Variants in KANSL1 observed in about 807,000 individuals in gnomAD.
KANSL1 encodes MLL1/MLL complex subunit KANSL1.
Under a neutral mutation model 103.6 loss-of-function variants are expected in KANSL1, and 22 were observed. The observed-to-expected ratio is 0.21, with a 90% CI of 0.15 to 0.30. KANSL1 has a LOEUF of 0.30. KANSL1 is among the 10% of genes least tolerant of loss of function. The probability of loss-of-function intolerance (pLI) is 1.00; values close to 1 mark genes in which losing one functional copy is unlikely to be tolerated. For synonymous variants in KANSL1, 600 were observed against 527.6 expected, an observed-to-expected ratio of 1.14 and a Z score of -1.88; for missense variants, 1,337 against 1,399.8, an observed-to-expected ratio of 0.96 and a Z score of 0.72.
chr17:46,034,935 G>C (rs1238936776), intron 10 of KANSL1: 1 of 152,278 alleles, frequency 6.6e-6, no homozygotes, highest in Non-Finnish European at 1.5e-5. Context: ...AACTAAAGAG[G>C]AGAACCTGAC....
intron 5 of KANSL1, among the ~76,000 whole-genome samples, chr17:46,067,212 T>G (rs546883563): frequency 6.6e-6 from 1 of 152,300 alleles, no homozygotes; most frequent in East Asian, 1.9e-4. Flanking sequence ...AAATACAGAT[T>G]TACAAACATA....
intron 3 of KANSL1, chr17:46,094,191 G>A (rs1364072256): frequency 9.4e-6 from 2 of 212,952 alleles, no homozygotes; most frequent in Admixed American, 1.2e-4. Flanking sequence ...CCACTTCGTG[G>A]GCTCAAGCGA....
chr17:46,119,709 C>CAATGTTTTCAA (rs2043199861), intron 2 of KANSL1, among the ~76,000 whole-genome samples: 1 of 152,252 alleles, frequency 6.6e-6, no homozygotes, highest in South Asian at 2.1e-4. Context: ...TGCCTACTGT[C>CAATGTTTTCAA]AATGTTTTCA....
At chr17:46,207,427 T>C (rs1597969136) in intron 1 of KANSL1, among the ~76,000 whole-genome samples, 2 of 151,384 alleles carry the variant, frequency 1.3e-5, no homozygotes, top group East Asian at 2.0e-4. Context: ...GAGAATCACT[T>C]GAACCCAGGA....
intron 6 of KANSL1, among the ~76,000 whole-genome samples, chr17:46,062,391 A>C (rs1294242197): frequency 2.5e-5 from 3 of 118,326 alleles, no homozygotes; most frequent in East Asian, 2.5e-4. Flanking sequence ...ATGGACTCTC[A>C]CTCTCTCACC....
At chr17:46,055,841 T>C (rs898192421) in intron 6 of KANSL1, among the ~76,000 whole-genome samples, 1 of 152,142 alleles carries the variant, frequency 6.6e-6, no homozygotes, top group Non-Finnish European at 1.5e-5. Context: ...AGTTTATTGT[T>C]TAACTAAAAT....
chr17:46,114,859 G>C (rs2042975506), intron 2 of KANSL1, among the ~76,000 whole-genome samples: 1 of 152,188 alleles, frequency 6.6e-6, no homozygotes, highest in Non-Finnish European at 1.5e-5. Context: ...TTCTCAGAAG[G>C]AGGTTATGAA....
chr17:46,180,875 A>ATATATG (rs566673741), intron 1 of KANSL1, among the ~76,000 whole-genome samples: 1 of 152,182 alleles, frequency 6.6e-6, no homozygotes, highest in Non-Finnish European at 1.5e-5. Flanking sequence ...ACACACACAT[A>ATATATG]TATATGTATA....
chr17:46,216,354 C>T (rs1183523187), intron 1 of KANSL1, among the ~76,000 whole-genome samples: 1 of 152,154 alleles, frequency 6.6e-6, no homozygotes, highest in Admixed American at 6.5e-5. Flanking sequence ...GACTCACACA[C>T]TTTGGGAGGC....
At chr17:46,172,397 A>G (rs2046332180) in intron 1 of KANSL1, among the ~76,000 whole-genome samples, 165 bp from the exon 2 acceptor site, 1 of 152,266 alleles carries the variant, frequency 6.6e-6, no homozygotes, top group Non-Finnish European at 1.5e-5. Flanking sequence ...AATATCTTTC[A>G]TCTGGGAGAA....
chr17:46,138,396 A>G (rs1445317407), intron 2 of KANSL1, among the ~76,000 whole-genome samples: 2 of 152,276 alleles, frequency 1.3e-5, no homozygotes, highest in Non-Finnish European at 2.9e-5. Context: ...AACTATTTAC[A>G]TAGCATTTAC....
At chr17:46,190,234 C>A (rs183934486) in intron 1 of KANSL1, among the ~76,000 whole-genome samples, 49 of 152,342 alleles carry the variant, frequency 3.2e-4, no homozygotes, top group African/African-American at 1.0e-3. Context: ...ACTTCACTTT[C>A]TTCTCACCTT....
intron 1 of KANSL1, among the ~76,000 whole-genome samples, chr17:46,212,374 C>G (rs2048192311): frequency 6.6e-6 from 1 of 152,170 alleles, no homozygotes; most frequent in Admixed American, 6.5e-5. Context: ...GCACGTGCCA[C>G]CACGCCCAGC....
At chr17:46,154,008 A>G (rs1362690795) in intron 2 of KANSL1, among the ~76,000 whole-genome samples, 1 of 152,212 alleles carries the variant, frequency 6.6e-6, no homozygotes, top group Non-Finnish European at 1.5e-5. Flanking sequence ...ACCCCCCTCT[A>G]AATCAGATGC....
intron 3 of KANSL1, among the ~76,000 whole-genome samples, chr17:46,087,469 G>A (rs1187079955): frequency 3.3e-5 from 5 of 152,212 alleles, no homozygotes; most frequent in Non-Finnish European, 5.9e-5. Flanking sequence ...AGCATCTATT[G>A]AGTGGCTACC....
rs570444187 is a variant in KANSL1, at chr17:46,094,153, G to A, written c.1431+407C>T. 12 of 188,464 alleles carry A rather than the reference G, an allele frequency of 6.4e-5. No homozygotes were observed. In the East Asian group the frequency reaches 2.2e-3, roughly 35 times the overall value. 11.7% of individuals were successfully genotyped at this position (188,464 alleles called of 1,614,324 possible). On this transcript the variant is annotated intron_variant, in intron 3 of 14. Coordinates refer to ENST00000432791, the MANE Select transcript of KANSL1 (RefSeq NM_015443.4). ...TCTTAGTTGTCCAGGCTGGAGTGTG[G>A]TGGCACAATCTTGGCTCACTGCAAC...
intron 2 of KANSL1, among the ~76,000 whole-genome samples, chr17:46,155,367 A>G (rs950781715): frequency 6.6e-6 from 1 of 152,198 alleles, no homozygotes; most frequent in Non-Finnish European, 1.5e-5. Flanking sequence ...CATGTTGGCC[A>G]GGCTGGTCTC....
In KANSL1 at chr17:46,171,915, G is replaced by A; in HGVS notation, c.229C>T (p.Pro77Ser). 6.2e-7 allele frequency: 1 copy of A among 1,614,280 alleles called. No individual in the cohort carries two copies. The change falls in exon 2 of 15, where the codon CCA becomes TCA. Residue 77 changes from proline to serine, a missense_variant. Physicochemically the swap from Pro to Ser is moderately conservative, Grantham distance 74 (BLOSUM62 -1). Transcript: ENST00000432791. Reference sequence around the variant, plus strand: ...GAGCAGAGATAAGATGCCACCAGTGGTTGCAGCTTTCCCAAGTCTTCCTTG... The same window carrying A: ...GAGCAGAGATAAGATGCCACCAGTGATTGCAGCTTTCCCAAGTCTTCCTTG... ...PTKEDLGKLQ[P>S]LVASYLCSDV...
intron 2 of KANSL1, among the ~76,000 whole-genome samples, chr17:46,137,535 T>C (rs2044208414): frequency 6.6e-6 from 1 of 152,212 alleles, no homozygotes; most frequent in African/African-American, 2.4e-5. Context: ...TCATAAAAGT[T>C]TTCAGTGTGC....
Sources: gnomAD v4.1 joint callset for allele counts (sites outside exome capture counted in the v4.1 genomes callset) on GRCh38, gnomAD v4.1.1 for gene constraint, MANE v1.5 for transcripts, NCBI Gene and HGNC (gene_info 2026-07-23, HGNC 2026-07-21) for gene names.